The following CACNA1C variants were observed in gnomAD, a reference collection of about 807,000 sequenced individuals.
CACNA1C encodes the protein calcium voltage-gated channel subunit alpha1 C.
CACNA1C carries 30 observed loss-of-function variants against 229.0 expected under a neutral mutation model. That is an observed-to-expected ratio of 0.13 (90% CI 0.10 to 0.18). CACNA1C has a LOEUF of 0.18. Among genes scored for constraint, CACNA1C ranks in the 10% least tolerant of loss-of-function variants. The pLI is 1.00. For synonymous variants in CACNA1C, 1,114 were observed against 1,132.5 expected (o/e 0.98, Z 0.33); for missense variants, 1,658 against 2,845.0 (o/e 0.58, Z 9.49).
rs12371378 is a variant in CACNA1C at position 2,138,844 on chromosome 12, A to G, written c.477+18414A>G. 3.2e-3 allele frequency among the ~76,000 whole-genome samples: 482 copies of G among 150,782 alleles called. 23 individuals are homozygous for G. The highest frequency in any genetic ancestry group is 5.8e-3 in the Non-Finnish European group (393 of 67,410). On this transcript the variant is annotated intron_variant, in intron 3 of 46. Coordinates refer to ENST00000399655, the MANE Select transcript of CACNA1C (RefSeq NM_000719.7). The stretch of plus-strand genomic sequence containing the variant: ...GCCTCAGGTATTCCTTTATAGCAAC[A>G]CAAATGGACTTAGACAATCCCCAAG...
intron 3 of CACNA1C, among the ~76,000 whole-genome samples, chr12:2,347,483 G>A (rs974144092): frequency 5.3e-5 from 8 of 152,232 alleles, no homozygotes; most frequent in African/African-American, 1.9e-4. Context: ...AGCTTCAAGA[G>A]AGATCCTGAG....
chr12:2,311,360 G>A (rs10774037), intron 3 of CACNA1C, among the ~76,000 whole-genome samples: 117,848 of 152,098 alleles, frequency 0.77, 45,963 homozygotes, highest in East Asian at 0.95. Flanking sequence ...AATTAAAGCA[G>A]CCCTGTATTC....
At chr12:2,408,302 G>A (rs559034834) in intron 3 of CACNA1C, among the ~76,000 whole-genome samples, 3 of 152,326 alleles carry the variant, frequency 2.0e-5, no homozygotes, top group South Asian at 4.1e-4. Flanking sequence ...GGATGAAAAA[G>A]CTCAGGAGAT....
intron 9 of CACNA1C, among the ~76,000 whole-genome samples, chr12:2,522,391 G>A (rs1047000652): frequency 2.0e-4 from 31 of 152,308 alleles, no homozygotes; most frequent in African/African-American, 7.0e-4. Flanking sequence ...GAGAATTAAG[G>A]TCTGATAGCC....
At chr12:2,567,982 G>T (rs549516545) in intron 13 of CACNA1C, among the ~76,000 whole-genome samples, 188 bp downstream of exon 13, 111 of 152,290 alleles carry the variant, frequency 7.3e-4, no homozygotes, top group African/African-American at 2.6e-3. Flanking sequence ...TCCTCTGGCT[G>T]CTAATACCAG....
chr12:2,023,749 C>A (rs894359915), intron 1 of CACNA1C, among the ~76,000 whole-genome samples: 2 of 152,124 alleles, frequency 1.3e-5, no homozygotes, highest in African/African-American at 4.8e-5. Flanking sequence ...TAAGTAAATG[C>A]AGCTCACAGC....
At chr12:2,490,728 G>C (rs1262540938) in intron 6 of CACNA1C, among the ~76,000 whole-genome samples, 1 of 152,144 alleles carries the variant, frequency 6.6e-6, no homozygotes, top group Non-Finnish European at 1.5e-5. Context: ...AATCTCTAAA[G>C]ATTTCACATT....
intron 1 of CACNA1C, chr12:1,998,032 T>A (rs2041346151): frequency 2.7e-6 from 4 of 1,479,560 alleles, no homozygotes; most frequent in Middle Eastern, 1.8e-4. Flanking sequence ...TTCACAAAGG[T>A]ATAAAACAAA....
chr12:2,685,438 C>A, intron 43 of CACNA1C, among the ~76,000 whole-genome samples: 1 of 151,430 alleles, frequency 6.6e-6, no homozygotes, highest in East Asian at 1.9e-4. Context: ...GCCTAGGATT[C>A]TTTCCGCTTT....
chr12:2,681,718 A>C (rs567727648), intron 42 of CACNA1C, among the ~76,000 whole-genome samples: 1 of 151,930 alleles, frequency 6.6e-6, no homozygotes, highest in East Asian at 1.9e-4. Context: ...GAGAGAGAGA[A>C]TTGCTTCTAC....
At chr12:2,405,632 C>T (rs976610948) in intron 3 of CACNA1C, among the ~76,000 whole-genome samples, 7 of 152,146 alleles carry the variant, frequency 4.6e-5, no homozygotes, top group Non-Finnish European at 8.8e-5. Flanking sequence ...ATTATATATA[C>T]ATAATTTATC....
At chr12:2,370,827 T>C (rs2097847614) in intron 3 of CACNA1C, among the ~76,000 whole-genome samples, 1 of 152,166 alleles carries the variant, frequency 6.6e-6, no homozygotes. Flanking sequence ...GTGTTGTGAT[T>C]GTAGTCGAAG....
chr12:2,017,403 C>T (rs768733776), intron 1 of CACNA1C, among the ~76,000 whole-genome samples: 1 of 152,166 alleles, frequency 6.6e-6, no homozygotes, highest in Non-Finnish European at 1.5e-5. Context: ...CCTTCAAGAA[C>T]GCTCAAGCAT....
chr12:1,987,111 C>T (rs1565834039), intron 1 of CACNA1C, among the ~76,000 whole-genome samples: 1 of 152,152 alleles, frequency 6.6e-6, no homozygotes, highest in African/African-American at 2.4e-5. Flanking sequence ...AAAAAAAGAA[C>T]TTACAGGAAC....
intron 13 of CACNA1C, among the ~76,000 whole-genome samples, chr12:2,572,466 C>G (rs1008808763): frequency 2.6e-5 from 1 of 39,010 alleles, no homozygotes; most frequent in Non-Finnish European, 5.0e-5. Flanking sequence ...TCCTCCTCCT[C>G]TTCCTCCTTC....
At chr12:2,436,368 G>T (rs576527350) in intron 3 of CACNA1C, among the ~76,000 whole-genome samples, 1 of 152,110 alleles carries the variant, frequency 6.6e-6, no homozygotes, top group Non-Finnish European at 1.5e-5. Context: ...TGTTGAAGGG[G>T]CCTCTTCTCC....
intron 34 of CACNA1C, among the ~76,000 whole-genome samples, chr12:2,656,496 C>G (rs2095429716): frequency 6.6e-6 from 1 of 152,074 alleles, no homozygotes; most frequent in Non-Finnish European, 1.5e-5. Context: ...GTTAAAATGA[C>G]CATACTACCC....
intron 9 of CACNA1C, among the ~76,000 whole-genome samples, chr12:2,519,976 C>T (rs979152856): frequency 1.8e-4 from 28 of 152,330 alleles, no homozygotes; most frequent in Middle Eastern, 3.4e-3. Context: ...GTATACAGTG[C>T]GAAGTAGGCA....
At chr12:2,497,397 G>A (rs551662462) in intron 7 of CACNA1C, among the ~76,000 whole-genome samples, 11 of 152,308 alleles carry the variant, frequency 7.2e-5, no homozygotes, top group South Asian at 6.2e-4. Context: ...GGGGACACAC[G>A]CAGAACGTTG....
Sources: allele counts gnomAD v4.1 joint callset (sites outside exome capture counted in the v4.1 genomes callset), GRCh38; gene constraint gnomAD v4.1.1; transcripts MANE v1.5; gene names NCBI Gene and HGNC (gene_info 2026-07-23, HGNC 2026-07-21).